Variants in STOX2 observed in about 807,000 individuals in gnomAD.
The protein encoded by STOX2 is storkhead-box protein 2.
Under a neutral mutation model 60.9 loss-of-function variants are expected in STOX2, and 28 were observed. The observed-to-expected ratio is 0.46, with a 90% CI of 0.34 to 0.63. STOX2 has a LOEUF of 0.63. STOX2 is among the 30% of genes least tolerant of loss of function. The probability of loss-of-function intolerance (pLI) is 0.01; values close to 1 mark genes in which losing one functional copy is unlikely to be tolerated. For synonymous variants in STOX2, 472 were observed against 463.9 expected (o/e 1.02, Z -0.22); for missense variants, 1,024 against 1,187.7 (o/e 0.86, Z 2.03).
chr4:184,019,075 GA>G lies in STOX2; in HGVS notation c.*1794del, dbSNP rs2111266196. 2 of 152,302 alleles carry G rather than the reference GA, an allele frequency of 1.3e-5. No homozygotes were observed. Among genetic ancestry groups the G allele is most frequent in the South Asian group, 4.2e-4 (2 of 4,818 alleles). 9.4% of individuals were successfully genotyped at this position (152,302 alleles called of 1,614,324 possible). On this transcript the variant is annotated 3_prime_UTR_variant, in exon 4 of 4. Transcript: ENST00000308497. ...CCTATACACAGTTGGACTCATTCTT[GA>G]AACCTTTAAATGCTCCCTCATAGTT... is the stretch of plus-strand genomic sequence containing the variant.
At chr4:183,886,620 C>T (rs1245050405) in intron 1 of STOX2, among the ~76,000 whole-genome samples, 1 of 152,206 alleles carries the variant, frequency 6.6e-6, no homozygotes, top group Non-Finnish European at 1.5e-5. Flanking sequence ...GGCAGCCAGA[C>T]TGGAATTAAG....
intron 1 of STOX2, among the ~76,000 whole-genome samples, chr4:183,805,036 G>A (rs1033447036): frequency 1.3e-5 from 2 of 152,210 alleles, no homozygotes; most frequent in East Asian, 1.9e-4. Flanking sequence ...CGGGTTGAAA[G>A]TATTTAGATG....
At chr4:183,826,861 G>C (rs2111116418) in intron 1 of STOX2, among the ~76,000 whole-genome samples, 2 of 152,348 alleles carry the variant, frequency 1.3e-5, no homozygotes, top group Non-Finnish European at 2.9e-5. Flanking sequence ...TCTCAGCATT[G>C]AGCTTGCTGC....
chr4:183,827,455 G>A (rs111790011), intron 1 of STOX2, among the ~76,000 whole-genome samples: 43 of 151,992 alleles, frequency 2.8e-4, no homozygotes, highest in African/African-American at 1.0e-3. Context: ...TCATACCACT[G>A]CACTCCAGGC....
chr4:183,900,635 A>G (rs1202116387), upstream of STOX2, among the ~76,000 whole-genome samples: 1 of 152,216 alleles, frequency 6.6e-6, no homozygotes, highest in Non-Finnish European at 1.5e-5. Context: ...TGAAAAATCA[A>G]AATTTCCTTA....
At chr4:183,929,192 A>G (rs1480050782) in intron 1 of STOX2, among the ~76,000 whole-genome samples, 4 of 152,252 alleles carry the variant, frequency 2.6e-5, no homozygotes, top group Non-Finnish European at 5.9e-5. Flanking sequence ...GGGGCCTCCC[A>G]TTGCTCATGG....
intron 1 of STOX2, among the ~76,000 whole-genome samples, chr4:183,966,548 G>A (rs192898805): frequency 4.7e-4 from 71 of 152,292 alleles, no homozygotes; most frequent in Admixed American, 1.8e-3. Flanking sequence ...CCCAGAAGCC[G>A]TTCCCAGGGG....
chr4:184,001,404 C>T lies in STOX2; in HGVS notation c.246C>T (p.Ile82=). The change falls in exon 2 of 4, where the codon ATC becomes ATT. Residue 82 remains isoleucine, a synonymous_variant. Transcript: ENST00000308497. The surrounding 1 kb of genome is among the most constrained non-coding windows in gnomAD (Gnocchi z 4.2). ...IPLGEILCLA[I]SAMNSARKPV... is the part of the protein sequence containing the mutation. ...TCGGGGAGATCCTCTGCTTGGCCAT[C>T]TCAGCAATGAACTCGGCAAGAAAGC... 1 of 1,613,862 alleles carries T rather than the reference C, an allele frequency of 6.2e-7. No individual in the cohort carries two copies. The highest frequency in any genetic ancestry group is 8.5e-7 in the Non-Finnish European group (1 of 1,179,870).
intron 1 of STOX2, among the ~76,000 whole-genome samples, chr4:183,838,544 A>G (rs1051401761): frequency 3.3e-5 from 5 of 152,218 alleles, no homozygotes; most frequent in African/African-American, 1.2e-4. Flanking sequence ...ATAAAAATGA[A>G]GCTACTACAT....
intron 3 of STOX2, among the ~76,000 whole-genome samples, chr4:184,013,007 G>A (rs1260806555): frequency 6.6e-6 from 1 of 152,132 alleles, no homozygotes; most frequent in Non-Finnish European, 1.5e-5. Flanking sequence ...TTGGTGGTAG[G>A]TGTGGTGTAT....
intron 1 of STOX2, among the ~76,000 whole-genome samples, chr4:183,917,328 G>C (rs548283039): frequency 2.0e-5 from 3 of 152,354 alleles, no homozygotes; most frequent in Admixed American, 6.5e-5. Context: ...AACTGGGGTA[G>C]TTTAGCTGTA....
rs1740633959 is a variant in STOX2 at position 183,869,063 on chromosome 4, TA to T, written c.364+71011del. 2.0e-5 allele frequency among the ~76,000 whole-genome samples: 3 copies of T among 152,348 alleles called. No individual in the cohort carries two copies. The South Asian group carries it at 6.2e-4, about 32-fold the overall frequency. On this transcript the variant is annotated intron_variant, in intron 1 of 2. Transcript: ENST00000513034. ...AGATTCAGATTATTTTCTGAAACTT[TA>T]AATAATAAACACTGATTATGTATTT...
intron 1 of STOX2, among the ~76,000 whole-genome samples, chr4:183,812,068 A>G (rs9992898): frequency 0.27 from 41,456 of 151,726 alleles, 6,611 homozygotes; most frequent in African/African-American, 0.45. Context: ...AGTAGTTGGA[A>G]CTACAGGCAT....
Position 184,017,318 on chromosome 4 carries a change from G to T in STOX2, c.*34G>T. ...CTGCCTCAGATCTTCTGTCTCATTC[G>T]ATACAGCAAAGTTTACGACACTGGG... is the stretch of plus-strand genomic sequence containing the variant. On this transcript the variant is annotated 3_prime_UTR_variant, in exon 4 of 4. Transcript: ENST00000308497. 6.5e-7 allele frequency: 1 copy of T among 1,534,630 alleles called. No individual in the cohort carries two copies. Among genetic ancestry groups the T allele is most frequent in the Admixed American group, 2.1e-5 (1 of 48,344 alleles).
rs762055387 is a variant in STOX2 at position 183,798,501 on chromosome 4, C to T, written c.364+446C>T. The T allele has an allele frequency of 8.1e-3, 3,754 of 464,730 alleles. 24 individuals carry two copies. Among genetic ancestry groups the T allele is most frequent in the Non-Finnish European group, 9.7e-3 (3,436 of 354,288 alleles). The allele number at this position is 464,730 out of a possible 1,614,324, so 28.8% of individuals were successfully genotyped here. A position where few individuals can be genotyped will look rare whatever the true frequency, so the allele number is the denominator to read the frequency against. On this transcript the variant is annotated intron_variant, in intron 1 of 2. Coordinates refer to the STOX2 transcript ENST00000513034. The stretch of plus-strand genomic sequence containing the variant: ...GCGGGGCTCCCAGCTGGAGCGGCGG[C>T]TCAGGTGCGCCCGGGACGCCCTTCC...
In STOX2 at chr4:184,011,509, T is replaced by C. The variant is rs1734173452; in HGVS notation, c.2585+86T>C. The C allele has an allele frequency of 2.5e-6, 4 of 1,579,388 alleles. No homozygotes were observed. Among genetic ancestry groups the C allele is most frequent in the Non-Finnish European group, 3.4e-6 (4 of 1,160,470 alleles). ...GTAACTTGACAAGTTTCTGATTTCG[T>C]AGTCTCAGTTCTATGGATGAGGGTT... is the stretch of plus-strand genomic sequence containing the variant. On this transcript the variant is annotated intron_variant, in intron 3 of 3. Transcript: ENST00000308497. This position sits in a 1 kb window ranked among gnomAD's most constrained non-coding sequence, Gnocchi z 4.4.
At chr4:183,881,218 G>A (rs1216018044) in intron 1 of STOX2, among the ~76,000 whole-genome samples, 2 of 150,598 alleles carry the variant, frequency 1.3e-5, no homozygotes, top group African/African-American at 2.4e-5. Flanking sequence ...ACAATAAAAG[G>A]CTGGCTGAGT....
intron 1 of STOX2, among the ~76,000 whole-genome samples, chr4:183,977,546 C>CGGGTGTGTGTGTGTGTGTGTGTGT (rs1732491404): frequency 6.8e-6 from 1 of 147,794 alleles, no homozygotes; most frequent in Non-Finnish European, 1.5e-5. Context: ...CATTCCATTT[C>CGGGTGTGTGTGTGTGTGTGTGTGT]GTGTGTGTGT....
At chr4:183,892,906 C>T (rs1157713095) in intron 1 of STOX2, among the ~76,000 whole-genome samples, 1 of 152,092 alleles carries the variant, frequency 6.6e-6, no homozygotes, top group Non-Finnish European at 1.5e-5. Context: ...GGATGGATTC[C>T]CTTACACCTA....
Sources: allele counts gnomAD v4.1 joint callset (sites outside exome capture counted in the v4.1 genomes callset), GRCh38; gene constraint gnomAD v4.1.1; non-coding constraint Gnocchi (gnomAD v3.1); transcripts MANE v1.5; gene names NCBI Gene and HGNC (gene_info 2026-07-23, HGNC 2026-07-21).